Variants in ZBBX observed in about 807,000 individuals in gnomAD.
ZBBX encodes the protein zinc finger B-box domain-containing protein 1.
Under a neutral mutation model 108.5 loss-of-function variants are expected in ZBBX, and 101 were observed. The ratio of observed to expected loss-of-function variants is 0.93; its 90% CI spans 0.79 to 1.10. ZBBX has a LOEUF of 1.10. ZBBX is among the 50% of genes least tolerant of loss of function. ZBBX has a pLI of 0.00. For missense variants in ZBBX, 1,009 were observed against 941.4 expected (o/e 1.07, Z -0.94); for synonymous variants, 356 against 323.4 (o/e 1.10, Z -1.08).
At chr3:167,367,947 A>G (rs1745567600) in intron 5 of ZBBX, among the ~76,000 whole-genome samples, 1 of 134,084 alleles carries the variant, frequency 7.5e-6, no homozygotes, top group African/African-American at 2.8e-5. Flanking sequence ...TAAGGGTTTG[A>G]GCAATTCTGA....
chr3:167,202,350 G>T, the ZBBX span, among the ~76,000 whole-genome samples: 15 of 152,208 alleles, frequency 9.9e-5, no homozygotes, highest in Non-Finnish European at 2.1e-4. Flanking sequence ...GTGTTAAATC[G>T]CTGAGAAACA....
chr3:167,260,981 G>A (rs1724412785), intron 20 of ZBBX, among the ~76,000 whole-genome samples: 1 of 152,180 alleles, frequency 6.6e-6, no homozygotes, highest in African/African-American at 2.4e-5. Flanking sequence ...AAGGTCTAGG[G>A]CTAAAGCCTG....
At chr3:167,387,479 G>A (rs753411627) in intron 1 of ZBBX, among the ~76,000 whole-genome samples, 19 of 151,982 alleles carry the variant, frequency 1.3e-4, no homozygotes, top group African/African-American at 1.9e-4. Flanking sequence ...AGTCTGTTGC[G>A]TAGGAACATC....
the ZBBX span, among the ~76,000 whole-genome samples, chr3:167,188,440 G>A: frequency 1.3e-5 from 2 of 152,124 alleles, no homozygotes; most frequent in African/African-American, 2.4e-5. Context: ...AACGCTTTAA[G>A]AGGGGCACTA....
chr3:167,335,112 G>A (rs139929865), intron 9 of ZBBX, among the ~76,000 whole-genome samples: 112 of 151,982 alleles, frequency 7.4e-4, no homozygotes, highest in African/African-American at 2.6e-3. Flanking sequence ...AATATCCTGC[G>A]TAGATCTCTA....
At chr3:167,369,433 C>A (rs192574882) in intron 4 of ZBBX, among the ~76,000 whole-genome samples, 1 of 152,060 alleles carries the variant, frequency 6.6e-6, no homozygotes, top group Non-Finnish European at 1.5e-5. Context: ...AAAAAGCAAG[C>A]GGGCCAAGGA....
the ZBBX span, among the ~76,000 whole-genome samples, chr3:167,220,287 G>GA: frequency 3.3e-5 from 5 of 151,880 alleles, no homozygotes; most frequent in Admixed American, 3.3e-4. Context: ...ATCAAAAAAA[G>GA]AAAACTACAG....
At chr3:167,275,840 A>G (rs958010348) in intron 20 of ZBBX, among the ~76,000 whole-genome samples, 9 of 152,222 alleles carry the variant, frequency 5.9e-5, no homozygotes, top group Admixed American at 5.9e-4. Context: ...ACAGACAAAC[A>G]AAAAGACAGC....
Position 167,305,773 on chromosome 3 carries a change from A to T in ZBBX, c.1595T>A (p.Leu532Ter). 6.2e-7 allele frequency: 1 copy of T among 1,612,974 alleles called. No individual in the cohort carries two copies. The highest frequency in any genetic ancestry group is 8.5e-7 in the Non-Finnish European group (1 of 1,179,480). Residue 532 changes from leucine (L) to a stop codon, truncating the protein, a stop_gained, in exon 17 of 22, where the codon TTG becomes TAG. Transcript: ENST00000675490. LOFTEE classifies it high-confidence loss of function. Reference protein sequence around the residue: ...SCVSLESKDTLLGRDLEKAPI... With the variant: ...SCVSLESKDT Reference sequence around the variant, plus strand: ...AGCTTTTTCTAAATCTCTACCTAGCAAAGTGTCCTTGCTTTCAAGTGATAC... The same window carrying T: ...AGCTTTTTCTAAATCTCTACCTAGCTAAGTGTCCTTGCTTTCAAGTGATAC...
chr3:167,186,788 T>G, the ZBBX span, among the ~76,000 whole-genome samples: 1 of 152,164 alleles, frequency 6.6e-6, no homozygotes, highest in African/African-American at 2.4e-5. Context: ...TAAAATATAT[T>G]GCTGATACAG....
intron 20 of ZBBX, among the ~76,000 whole-genome samples, chr3:167,267,181 T>G (rs1412462488): frequency 6.6e-6 from 1 of 152,194 alleles, no homozygotes; most frequent in Non-Finnish European, 1.5e-5. Context: ...AGGGTGGCCC[T>G]TTGGGGGTCC....
chr3:167,377,362 T>C (rs1747129944), intron 2 of ZBBX, among the ~76,000 whole-genome samples: 1 of 152,168 alleles, frequency 6.6e-6, no homozygotes, highest in African/African-American at 2.4e-5. Flanking sequence ...GTTTACAAGA[T>C]GGGCCACTTT....
intron 12 of ZBBX, 151 bp downstream of exon 12, chr3:167,321,966 C>G (rs1298405786): frequency 2.5e-6 from 1 of 407,286 alleles, no homozygotes; most frequent in Non-Finnish European, 4.1e-6. Context: ...CTTATTGGAA[C>G]AGCAACTTCA....
At chr3:167,252,854 C>A (rs1722853155) in intron 20 of ZBBX, among the ~76,000 whole-genome samples, 1 of 152,100 alleles carries the variant, frequency 6.6e-6, no homozygotes, top group Non-Finnish European at 1.5e-5. Flanking sequence ...CGTTTGTACA[C>A]TATTGCATTC....
chr3:167,240,665 G>T lies in ZBBX; in HGVS notation c.*128C>A, dbSNP rs1720513151. On this transcript the variant is annotated 3_prime_UTR_variant, in exon 22 of 22. Coordinates refer to ENST00000675490, the MANE Select transcript of ZBBX (RefSeq NM_001199201.2). Reference sequence around the variant, plus strand: ...ATAATTTTACTTTTATTAGTTTGTAGCCTTGAAACATCAAAGACATTAGTA... The same window carrying T: ...ATAATTTTACTTTTATTAGTTTGTATCCTTGAAACATCAAAGACATTAGTA... 13 of 1,108,340 alleles carry T rather than the reference G, an allele frequency of 1.2e-5. No individual in the cohort carries two copies. Among genetic ancestry groups the T allele is most frequent in the South Asian group, 6.4e-5 (4 of 62,240 alleles). The allele number at this position is 1,108,340 out of a possible 1,614,324, so 68.7% of individuals were successfully genotyped here. A position where few individuals can be genotyped will look rare whatever the true frequency, so the allele number is the denominator to read the frequency against.
the ZBBX span, among the ~76,000 whole-genome samples, chr3:167,213,735 G>A: frequency 2.8e-3 from 422 of 152,210 alleles, 2 homozygotes; most frequent in African/African-American, 9.7e-3. Context: ...CACATAATGA[G>A]ATTTTCCAAG....
the ZBBX span, among the ~76,000 whole-genome samples, chr3:167,202,532 G>A: frequency 6.6e-6 from 1 of 152,054 alleles, no homozygotes; most frequent in East Asian, 1.9e-4. Flanking sequence ...AAACTAGTAA[G>A]TTTCTGCTAG....
intron 20 of ZBBX, among the ~76,000 whole-genome samples, chr3:167,272,920 A>AC (rs1239709377): frequency 1.3e-5 from 2 of 151,956 alleles, no homozygotes; most frequent in African/African-American, 4.8e-5. Context: ...TAAGGAGAGC[A>AC]CCTCCCCCAG....
chr3:167,351,987 G>A (rs376509075), intron 8 of ZBBX, among the ~76,000 whole-genome samples: 7 of 152,072 alleles, frequency 4.6e-5, no homozygotes, highest in African/African-American at 1.7e-4. Context: ...TTCAGCTGGT[G>A]ACCTGGGATC....
Sources: gnomAD v4.1 joint callset for allele counts (sites outside exome capture counted in the v4.1 genomes callset) on GRCh38, gnomAD v4.1.1 for gene constraint, MANE v1.5 for transcripts, NCBI Gene and HGNC (gene_info 2026-07-23, HGNC 2026-07-21) for gene names.